DMD: variants seen among roughly 807,000 people sequenced by gnomAD.
The protein encoded by DMD is mutant dystrophin.
DMD carries 63 observed loss-of-function variants against 330.1 expected under a neutral mutation model. That is an observed-to-expected ratio of 0.19 (90% CI 0.16 to 0.24). The LOEUF (loss-of-function observed/expected upper bound fraction) is 0.24. DMD is among the 10% of genes least tolerant of loss of function. The pLI is 1.00. For missense variants in DMD, 3,344 were observed against 2,684.1 expected (o/e 1.25, Z -5.43); for synonymous variants, 1,223 against 959.8 (o/e 1.27, Z -5.07).
intron 7 of DMD, among the ~76,000 whole-genome samples, chrX:32,792,687 C>G (rs1018019553): frequency 3.6e-5 from 4 of 112,120 alleles, no homozygotes; most frequent in Non-Finnish European, 7.5e-5. Context: ...ATAAAACAGA[C>G]TTTCAGTCAA....
Position 32,342,056 on chromosome X carries a change from T to C in DMD, c.5922+44A>G, listed in dbSNP as rs762620987. 6.1e-6 allele frequency: 7 copies of C among 1,155,003 alleles called. No homozygotes were observed. In the South Asian group the frequency reaches 1.3e-4, roughly 21 times the overall value. On this transcript the variant is annotated intron_variant, in intron 41 of 78. Transcript: ENST00000357033. Reference sequence around the variant, plus strand: ...TATTAGTAGGCCTCTGTTAATAGAGTAGTAGTTGCAAACACATACGTGGGT... The same window carrying C: ...TATTAGTAGGCCTCTGTTAATAGAGCAGTAGTTGCAAACACATACGTGGGT...
chrX:32,430,199 T>C (rs907157082), intron 29 of DMD, among the ~76,000 whole-genome samples: 1 of 111,829 alleles, frequency 8.9e-6, no homozygotes, highest in Non-Finnish European at 1.9e-5. Flanking sequence ...AATTGCTTTG[T>C]AGGTTATCCA....
At chrX:33,205,653 T>C (rs1354342619) in intron 1 of DMD, among the ~76,000 whole-genome samples, 1 of 112,108 alleles carries the variant, frequency 8.9e-6, no homozygotes, top group Non-Finnish European at 1.9e-5. Context: ...GGGAGAACGC[T>C]TTAAAACAAA....
intron 7 of DMD, among the ~76,000 whole-genome samples, chrX:32,729,636 T>C (rs1172489633): frequency 8.9e-6 from 1 of 111,923 alleles, no homozygotes; most frequent in Non-Finnish European, 1.9e-5. Context: ...AAGTTTTTGT[T>C]AAAAAGAAAT....
At chrX:31,264,768 C>T (rs186168762) in intron 62 of DMD, among the ~76,000 whole-genome samples, 5 of 112,310 alleles carry the variant, frequency 4.5e-5, no homozygotes, top group African/African-American at 1.6e-4. Context: ...CATTACTCTA[C>T]TGAGCACAAG....
chrX:31,269,517 T>C (rs1173357666), intron 62 of DMD, among the ~76,000 whole-genome samples: 2 of 111,582 alleles, frequency 1.8e-5, no homozygotes, highest in African/African-American at 3.3e-5. Flanking sequence ...AATTGGGGAA[T>C]CCAGCTCGAA....
chrX:31,902,336 G>T (rs2094432715), intron 47 of DMD, among the ~76,000 whole-genome samples: 1 of 111,514 alleles, frequency 9.0e-6, no homozygotes, highest in Admixed American at 9.6e-5. Flanking sequence ...AGTGAGAAGT[G>T]AACACCTTCT....
At chrX:32,196,986 C>CAAAAAAAAAAAA (rs71872245) in intron 44 of DMD, among the ~76,000 whole-genome samples, 3 of 49,622 alleles carry the variant, frequency 6.0e-5, no homozygotes, top group African/African-American at 9.7e-5. Flanking sequence ...GACTCCATCT[C>CAAAAAAAAAAAA]AAAAAAAAAA....
At chrX:32,306,790 G>A (rs1174938127) in intron 42 of DMD, among the ~76,000 whole-genome samples, 1 of 110,672 alleles carries the variant, frequency 9.0e-6, no homozygotes, top group East Asian at 2.9e-4. Flanking sequence ...AAGGGATGTG[G>A]GCAGATATCC....
At chrX:32,822,343 G>C (rs1310231636) in intron 5 of DMD, among the ~76,000 whole-genome samples, 1 of 110,352 alleles carries the variant, frequency 9.1e-6, no homozygotes, top group African/African-American at 3.3e-5. Context: ...GGTAACCGTG[G>C]AAGTTTAAAT....
At chrX:33,253,658 T>C (rs1603425658) in intron 1 of DMD, among the ~76,000 whole-genome samples, 1 of 111,074 alleles carries the variant, frequency 9.0e-6, no homozygotes, top group Admixed American at 9.6e-5. Context: ...CCTAAAAAAA[T>C]TTCCAGTCCC....
At chrX:32,773,495 C>G (rs1489712484) in intron 7 of DMD, among the ~76,000 whole-genome samples, 1 of 101,744 alleles carries the variant, frequency 9.8e-6, no homozygotes, top group Non-Finnish European at 2.0e-5. Context: ...CTGATTCCTT[C>G]TATCTAACTA....
chrX:32,006,961 C>T (rs1483241050), intron 44 of DMD, among the ~76,000 whole-genome samples: 3 of 104,579 alleles, frequency 2.9e-5, no homozygotes, highest in Admixed American at 2.1e-4. Context: ...AGTAAACTAT[C>T]GCAAGAACAA....
At chrX:32,139,835 C>T (rs188913617) in intron 44 of DMD, among the ~76,000 whole-genome samples, 85 of 112,141 alleles carry the variant, frequency 7.6e-4, no homozygotes, top group African/African-American at 2.2e-3. Flanking sequence ...AGAAATTTTG[C>T]CTGCCTTCAA....
At chrX:32,594,434 G>A (rs1433625000) in intron 13 of DMD, among the ~76,000 whole-genome samples, 1 of 111,176 alleles carries the variant, frequency 9.0e-6, no homozygotes, top group African/African-American at 3.3e-5. Flanking sequence ...AATAAGTTAA[G>A]GATAGCCAGA....
intron 50 of DMD, among the ~76,000 whole-genome samples, chrX:31,802,071 C>A (rs1243504943): frequency 9.1e-6 from 1 of 110,032 alleles, no homozygotes; most frequent in Non-Finnish European, 1.9e-5. Context: ...GGAGGGAGGT[C>A]AATGTGGAGA....
intron 49 of DMD, among the ~76,000 whole-genome samples, chrX:31,831,633 C>G (rs1480494625): frequency 9.0e-6 from 1 of 111,506 alleles, no homozygotes; most frequent in African/African-American, 3.3e-5. Flanking sequence ...GAGTCTCACT[C>G]TGTCACCCAG....
At chrX:31,194,966 C>T (rs1289570387) in intron 67 of DMD, among the ~76,000 whole-genome samples, 2 of 111,936 alleles carry the variant, frequency 1.8e-5, no homozygotes, top group African/African-American at 3.3e-5. Context: ...AAATGTGAAT[C>T]TCCAGGCATG....
intron 44 of DMD, among the ~76,000 whole-genome samples, chrX:32,204,311 A>G (rs2097054383): frequency 1.8e-5 from 2 of 112,328 alleles, no homozygotes; most frequent in Admixed American, 1.9e-4. Context: ...TTTTCTACCT[A>G]TCTTGCTGGG....
Sources: allele counts gnomAD v4.1 joint callset (sites outside exome capture counted in the v4.1 genomes callset), GRCh38; gene constraint gnomAD v4.1.1; transcripts MANE v1.5; gene names NCBI Gene and HGNC (gene_info 2026-07-23, HGNC 2026-07-21).